Variants in PDE4B observed in about 807,000 individuals in gnomAD.
PDE4B encodes the protein phosphodiesterase 4B.
A neutral mutation model predicts 82.2 loss-of-function variants in PDE4B; 20 were observed. That is an observed-to-expected ratio of 0.24 (90% CI 0.17 to 0.35). The LOEUF (loss-of-function observed/expected upper bound fraction) is 0.35, where lower values mean the gene tolerates loss of function less well. Among genes scored for constraint, PDE4B ranks in the 10% least tolerant of loss-of-function variants. The probability of loss-of-function intolerance (pLI) is 1.00; values close to 1 mark genes in which losing one functional copy is unlikely to be tolerated. For missense variants in PDE4B, 655 were observed against 907.2 expected (o/e 0.72, Z 3.57); for synonymous variants, 320 against 318.9 (o/e 1.00, Z -0.04).
chr1:66,132,905 C>CT (rs769115283), intron 3 of PDE4B, among the ~76,000 whole-genome samples: 2 of 152,080 alleles, frequency 1.3e-5, no homozygotes, highest in African/African-American at 4.8e-5. Flanking sequence ...GTTTAACAGG[C>CT]TTTTTAGGAC....
At chr1:65,896,106 G>A (rs908017246) in intron 1 of PDE4B, among the ~76,000 whole-genome samples, 1 of 152,102 alleles carries the variant, frequency 6.6e-6, no homozygotes, top group East Asian at 1.9e-4. Context: ...GCATGTGTGT[G>A]TGTGTATGTG....
At chr1:65,819,747 C>CCTCG (rs1645931746) in intron 1 of PDE4B, among the ~76,000 whole-genome samples, 1 of 152,056 alleles carries the variant, frequency 6.6e-6, no homozygotes, top group South Asian at 2.1e-4. Context: ...GATCCGCCTG[C>CCTCG]CTCGGCCTCC....
At chr1:66,174,850 C>T (rs1191105864) in intron 3 of PDE4B, among the ~76,000 whole-genome samples, 1 of 152,096 alleles carries the variant, frequency 6.6e-6, no homozygotes, top group East Asian at 1.9e-4. Context: ...CTCGCAGTTC[C>T]ACAGGCTAAA....
rs139438981 is a variant in PDE4B, at chr1:66,154,950, C to T, written c.282-92510C>T. The stretch of plus-strand genomic sequence containing the variant: ...TCTTGCACTTTGGGAGGCTGAGGCG[C>T]GAGGAATGCTTGAGCCCAGGAATTT... On this transcript the variant is annotated intron_variant, in intron 3 of 16. Coordinates refer to ENST00000341517, the MANE Select transcript of PDE4B (RefSeq NM_002600.4). Among the ~76,000 whole-genome samples, 606 of 152,042 alleles carry T rather than the reference C, an allele frequency of 4.0e-3. 1 individual carries two copies. The highest frequency in any genetic ancestry group is 0.024 in the Middle Eastern group (7 of 294).
intron 3 of PDE4B, among the ~76,000 whole-genome samples, chr1:66,007,456 C>A (rs775567584): frequency 2.0e-5 from 3 of 149,988 alleles, no homozygotes; most frequent in East Asian, 1.9e-4. Flanking sequence ...AACAACCCCC[C>A]CCAACCAAAA....
At chr1:66,239,892 A>G (rs1050408181) in intron 3 of PDE4B, among the ~76,000 whole-genome samples, 4 of 152,248 alleles carry the variant, frequency 2.6e-5, no homozygotes, top group Non-Finnish European at 5.9e-5. Flanking sequence ...TAATTTGCAA[A>G]ATATATTTAT....
intron 3 of PDE4B, among the ~76,000 whole-genome samples, chr1:65,960,204 C>T (rs963978379): frequency 1.1e-4 from 16 of 152,066 alleles, no homozygotes; most frequent in African/African-American, 3.6e-4. Flanking sequence ...TGTTGTTTCA[C>T]TGTATCAGTG....
In PDE4B at chr1:65,843,226, G is replaced by A. The variant is rs552026232; in HGVS notation, c.-71+49978G>A. On this transcript the variant is annotated intron_variant, in intron 1 of 16. Transcript: ENST00000341517. ...CTCAGGAAGTTTCCAGAAAGAGTGAGGCTGAGAAGGCCCAGCTTCCAACAC... is the reference window on the plus strand; with the variant it reads ...CTCAGGAAGTTTCCAGAAAGAGTGAAGCTGAGAAGGCCCAGCTTCCAACAC... 1.1e-4 allele frequency among the ~76,000 whole-genome samples: 17 copies of A among 152,234 alleles called. No homozygotes were observed. The South Asian group carries it at 1.5e-3, about 13-fold the overall frequency.
chr1:65,815,355 T>C (rs1645870870), intron 1 of PDE4B, among the ~76,000 whole-genome samples: 2 of 152,128 alleles, frequency 1.3e-5, no homozygotes, highest in South Asian at 4.1e-4. Flanking sequence ...GTGTTTCAAG[T>C]CACGAGACAA....
At chr1:66,111,839 T>C (rs558726142) in intron 3 of PDE4B, among the ~76,000 whole-genome samples, 33 of 152,256 alleles carry the variant, frequency 2.2e-4, no homozygotes, top group Admixed American at 9.8e-4. Context: ...TGTCTGGTTA[T>C]GGTTTCTTAC....
At chr1:66,122,661 G>A (rs900555996) in intron 3 of PDE4B, among the ~76,000 whole-genome samples, 2 of 150,796 alleles carry the variant, frequency 1.3e-5, no homozygotes, top group Admixed American at 1.3e-4. Flanking sequence ...AGGAGTCAGA[G>A]GATCTTGAGT....
intron 3 of PDE4B, among the ~76,000 whole-genome samples, chr1:65,941,885 T>C (rs1360539651): frequency 6.6e-6 from 1 of 152,032 alleles, no homozygotes; most frequent in African/African-American, 2.4e-5. Context: ...TGACCGACAT[T>C]GCCTCAATCC....
chr1:66,090,173 G>A (rs1019533223), intron 3 of PDE4B, among the ~76,000 whole-genome samples: 6 of 152,004 alleles, frequency 3.9e-5, no homozygotes. Flanking sequence ...AAAGACAAGA[G>A]TATTAATAAG....
rs1240799331 is a variant in PDE4B, at chr1:66,089,049, G to T, written c.282-158411G>T. Among the ~76,000 whole-genome samples, 3 of 152,060 alleles carry T rather than the reference G, an allele frequency of 2.0e-5. No homozygotes were observed. The East Asian group carries it at 5.8e-4, about 29-fold the overall frequency. ...CTAAGCCACTGAGATTGACATTGTTGTTATGAAAGCATAAGCTAGCCAGTC... is the reference window on the plus strand; with the variant it reads ...CTAAGCCACTGAGATTGACATTGTTTTTATGAAAGCATAAGCTAGCCAGTC... On this transcript the variant is annotated intron_variant, in intron 3 of 16. Coordinates refer to ENST00000341517, the MANE Select transcript of PDE4B (RefSeq NM_002600.4).
chr1:65,976,023 C>A (rs772641270), intron 3 of PDE4B, among the ~76,000 whole-genome samples: 3 of 152,154 alleles, frequency 2.0e-5, no homozygotes, highest in Non-Finnish European at 2.9e-5. Flanking sequence ...GAGAAGAGGA[C>A]CACTGTCCTC....
At chr1:66,338,022 C>G (rs114336441) in intron 8 of PDE4B, among the ~76,000 whole-genome samples, 2 of 152,210 alleles carry the variant, frequency 1.3e-5, no homozygotes, top group Non-Finnish European at 2.9e-5. Context: ...AGACCCAGCT[C>G]TTCAGTTTAT....
chr1:66,344,479 T>A (rs1349181378), intron 8 of PDE4B, among the ~76,000 whole-genome samples: 1 of 152,228 alleles, frequency 6.6e-6, no homozygotes. Context: ...TTCTTTTACA[T>A]ATTTAAAGTA....
chr1:66,324,006 C>T (rs747728465), intron 7 of PDE4B, among the ~76,000 whole-genome samples: 9 of 152,148 alleles, frequency 5.9e-5, no homozygotes, highest in Non-Finnish European at 1.2e-4. Context: ...ATTGGTGGTA[C>T]ATGTTTTAGC....
intron 3 of PDE4B, among the ~76,000 whole-genome samples, chr1:65,983,023 G>T (rs1311365418): frequency 6.6e-6 from 1 of 152,114 alleles, no homozygotes; most frequent in Non-Finnish European, 1.5e-5. Flanking sequence ...CCATTCATGG[G>T]CCCAAAGGAC....
Sources: allele counts gnomAD v4.1 joint callset (sites outside exome capture counted in the v4.1 genomes callset), GRCh38; gene constraint gnomAD v4.1.1; transcripts MANE v1.5; gene names NCBI Gene and HGNC (gene_info 2026-07-23, HGNC 2026-07-21).